The following DIAPH2 variants were observed in gnomAD, a reference collection of about 807,000 sequenced individuals.
DIAPH2 encodes diaphanous related formin 2, also known as protein diaphanous homolog 2.
Under a neutral mutation model 92.7 loss-of-function variants are expected in DIAPH2, and 35 were observed. The ratio of observed to expected loss-of-function variants is 0.38; its 90% CI spans 0.29 to 0.50. The LOEUF is 0.50. DIAPH2 is among the 20% of genes least tolerant of loss of function. DIAPH2 has a pLI of 0.94. For missense variants in DIAPH2, 701 were observed against 819.5 expected (o/e 0.86, Z 1.77); for synonymous variants, 301 against 280.4 (o/e 1.07, Z -0.73).
intron 17 of DIAPH2, among the ~76,000 whole-genome samples, chrX:97,054,947 ATAGCTG>A (rs2066546084): frequency 9.0e-6 from 1 of 111,562 alleles, no homozygotes; most frequent in Non-Finnish European, 1.9e-5. Flanking sequence ...ATACATTGTT[ATAGCTG>A]TTCATTTGTC....
At chrX:97,059,318 T>A (rs921684561) in intron 17 of DIAPH2, among the ~76,000 whole-genome samples, 5 of 111,978 alleles carry the variant, frequency 4.5e-5, no homozygotes, top group African/African-American at 1.6e-4. Context: ...TTTTCTGTAC[T>A]CACTTATACC....
At chrX:97,499,872 G>C (rs2070783546) in intron 26 of DIAPH2, among the ~76,000 whole-genome samples, 1 of 112,419 alleles carries the variant, frequency 8.9e-6, no homozygotes, top group African/African-American at 3.2e-5. Context: ...TAGCATAGAA[G>C]AAAGTCCTCA....
intron 4 of DIAPH2, among the ~76,000 whole-genome samples, chrX:96,804,530 A>G (rs934690049): frequency 1.3e-4 from 15 of 111,840 alleles, no homozygotes; most frequent in African/African-American, 4.9e-4. Context: ...CACATTTTAT[A>G]TAACGCTTAT....
intron 1 of DIAPH2, among the ~76,000 whole-genome samples, chrX:96,694,912 C>T (rs2063817131): frequency 9.1e-6 from 1 of 109,502 alleles, no homozygotes; most frequent in African/African-American, 3.3e-5. Flanking sequence ...CATTATCTAC[C>T]TCCCCACCCC....
At chrX:96,797,602 G>A (rs2064550353) in intron 4 of DIAPH2, among the ~76,000 whole-genome samples, 1 of 112,350 alleles carries the variant, frequency 8.9e-6, no homozygotes, top group Admixed American at 9.4e-5. Flanking sequence ...AGGAGAAGCA[G>A]GTACTTCTTA....
At chrX:97,382,939 G>T (rs2069564915) in intron 24 of DIAPH2, among the ~76,000 whole-genome samples, 1 of 112,017 alleles carries the variant, frequency 8.9e-6, no homozygotes, top group Admixed American at 9.5e-5. Flanking sequence ...CAAACAGCTT[G>T]TACATGCTAT....
intron 4 of DIAPH2, among the ~76,000 whole-genome samples, chrX:96,810,950 T>C (rs761470683): frequency 1.2e-4 from 13 of 111,782 alleles, no homozygotes; most frequent in East Asian, 2.8e-4. Context: ...AGTCAGGTAG[T>C]GTGATGCCTC....
intron 1 of DIAPH2, among the ~76,000 whole-genome samples, chrX:96,689,067 T>C (rs780485026): frequency 9.1e-6 from 1 of 109,562 alleles, no homozygotes; most frequent in South Asian, 4.0e-4. Context: ...CTTATCGCAG[T>C]AGGTGACATT....
intron 1 of DIAPH2, among the ~76,000 whole-genome samples, chrX:96,691,337 T>C (rs2147514733): frequency 8.9e-6 from 1 of 111,811 alleles, no homozygotes; most frequent in African/African-American, 3.2e-5. Context: ...TAAAATATAG[T>C]TATTAGCTTG....
chrX:96,899,651 T>G (rs747861407), intron 5 of DIAPH2, among the ~76,000 whole-genome samples: 13 of 111,470 alleles, frequency 1.2e-4, no homozygotes, highest in Non-Finnish European at 2.1e-4. Context: ...GTTTTCTAGA[T>G]GTACAATCAT....
rs548812159 is a variant in DIAPH2 at position 96,705,840 on chromosome X, G to A, written c.132+20650G>A. On this transcript the variant is annotated intron_variant, in intron 1 of 26. Transcript: ENST00000324765. ...AAATATAGATACAGGAGTCCCAATG[G>A]ACCTATTGAAACAGAATCCTTTGAG... Among the ~76,000 whole-genome samples the A allele has an allele frequency of 7.1e-4, 79 of 111,538 alleles. No individual in the cohort carries two copies. The South Asian group carries it at 0.029, about 41-fold the overall frequency.
chrX:96,826,937 A>G (rs1482319706), intron 4 of DIAPH2, among the ~76,000 whole-genome samples: 1 of 111,461 alleles, frequency 9.0e-6, no homozygotes, highest in Non-Finnish European at 1.9e-5. Flanking sequence ...CCAAGGTTAT[A>G]TATCTAGTTC....
rs763779029 is a variant in DIAPH2 at position 97,439,531 on chromosome X, T to C, written c.3241+9786T>C. 1.9e-4 allele frequency among the ~76,000 whole-genome samples: 21 copies of C among 107,883 alleles called. No individual in the cohort carries two copies. In the East Asian group the frequency reaches 5.0e-3, roughly 26 times the overall value. 93.7% of individuals were successfully genotyped at this position (107,883 alleles called of 115,157 possible). A position where few individuals can be genotyped will look rare whatever the true frequency, so the allele number is the denominator to read the frequency against. ...GTTGCAGTGAGCCGAGATCGTGCCA[T>C]TGCACTCCAGCCTGAGCGACAGGGC... On this transcript the variant is annotated intron_variant, in intron 26 of 26. Coordinates refer to ENST00000324765, the MANE Select transcript of DIAPH2 (RefSeq NM_006729.5).
chrX:96,847,642 C>G (rs1226956019), intron 4 of DIAPH2, among the ~76,000 whole-genome samples: 1 of 109,105 alleles, frequency 9.2e-6, no homozygotes, highest in African/African-American at 3.3e-5. Flanking sequence ...AAAAAAAAAA[C>G]AACTCTAGGT....
chrX:96,731,023 G>T (rs1224723319), intron 1 of DIAPH2, among the ~76,000 whole-genome samples: 1 of 111,011 alleles, frequency 9.0e-6, no homozygotes, highest in Non-Finnish European at 1.9e-5. Context: ...TTTGAGCCAG[G>T]ATGAGCCAGG....
At chrX:96,789,054 C>T (rs768346414) in intron 4 of DIAPH2, among the ~76,000 whole-genome samples, 4 of 112,215 alleles carry the variant, frequency 3.6e-5, no homozygotes, top group Non-Finnish European at 7.5e-5. Flanking sequence ...TCACTAATGG[C>T]GAAGATTTAT....
chrX:97,196,673 T>C (rs753162040), intron 22 of DIAPH2, among the ~76,000 whole-genome samples: 8 of 112,355 alleles, frequency 7.1e-5, no homozygotes, highest in African/African-American at 2.6e-4. Flanking sequence ...CAGGTATCAC[T>C]GTATAGTTAT....
At chrX:97,369,628 T>G (rs991221246) in intron 24 of DIAPH2, among the ~76,000 whole-genome samples, 1 of 110,764 alleles carries the variant, frequency 9.0e-6, no homozygotes, top group Non-Finnish European at 1.9e-5. Context: ...TACCCTGAGT[T>G]TTCAGACAAC....
intron 4 of DIAPH2, among the ~76,000 whole-genome samples, chrX:96,759,071 T>G (rs934479228): frequency 4.5e-5 from 5 of 110,520 alleles, no homozygotes; most frequent in Non-Finnish European, 9.5e-5. Context: ...TGTATATGTG[T>G]GTATATATAT....
Sources: allele counts gnomAD v4.1 joint callset (sites outside exome capture counted in the v4.1 genomes callset), GRCh38; gene constraint gnomAD v4.1.1; transcripts MANE v1.5; gene names NCBI Gene and HGNC (gene_info 2026-07-23, HGNC 2026-07-21).